OR4E2: variants seen among roughly 807,000 people sequenced by gnomAD.
OR4E2 encodes the protein olfactory receptor family 4 subfamily E member 2.
Under a neutral mutation model 11.0 loss-of-function variants are expected in OR4E2, and 9 were observed. The ratio of observed to expected loss-of-function variants is 0.82; its 90% CI spans 0.49 to 1.43. The LOEUF is 1.43. OR4E2 is among the 40% of genes most tolerant of loss of function. OR4E2 has a pLI of 0.00. For missense variants in OR4E2, 441 were observed against 382.0 expected, an observed-to-expected ratio of 1.15 and a Z score of -1.29; for synonymous variants, 159 against 147.3, an observed-to-expected ratio of 1.08 and a Z score of -0.57.
At chr14:21,658,978 A>T (rs185967572) in intron 2 of OR4E2, among the ~76,000 whole-genome samples, 2 of 152,250 alleles carry the variant, frequency 1.3e-5, no homozygotes, top group East Asian at 3.9e-4. Flanking sequence ...TTACCCCCAA[A>T]TTTTTGGATT....
At chr14:21,660,423 G>A (rs988970500) in intron 2 of OR4E2, among the ~76,000 whole-genome samples, 6 of 152,194 alleles carry the variant, frequency 3.9e-5, no homozygotes, top group Non-Finnish European at 7.3e-5. Flanking sequence ...TGGCCCCAGA[G>A]TGGGACTGTG....
intron 3 of OR4E2, among the ~76,000 whole-genome samples, chr14:21,663,583 G>C (rs1880457908): frequency 6.6e-6 from 1 of 152,134 alleles, no homozygotes; most frequent in Non-Finnish European, 1.5e-5. Context: ...AGAGGGAATA[G>C]ATAGGCTTTG....
intron 3 of OR4E2, among the ~76,000 whole-genome samples, chr14:21,664,532 A>G (rs1242565332): frequency 6.6e-6 from 1 of 152,204 alleles, no homozygotes; most frequent in African/African-American, 2.4e-5. Context: ...AGTAAAGACA[A>G]AGATTTTGGA....
rs954148007 is a variant in OR4E2 at position 21,665,430 on chromosome 14, C to A, written c.348C>A (p.Ile116=). ...CCTGTGCCGAGATCTTTCTGCTGAT[C>A]ATTATGGCGTATGATCGTTACGTGG... ...LFACAEIFLL[I]IMAYDRYVAI... The change falls in exon 4 of 4, where the codon ATC becomes ATA. Residue 116 remains isoleucine, a synonymous_variant. Coordinates refer to ENST00000641524, the MANE Select transcript of OR4E2 (RefSeq NM_001001912.3). 6.2e-7 allele frequency: 1 copy of A among 1,614,048 alleles called. No homozygotes were observed. The highest frequency in any genetic ancestry group is 8.5e-7 in the Non-Finnish European group (1 of 1,179,958).
In OR4E2 at chr14:21,665,826, C is replaced by T. The variant is rs778524391; in HGVS notation, c.744C>T (p.Ala248=). Residue 248 remains alanine (A), a synonymous_variant, in exon 4 of 4, where the codon GCC becomes GCT. Coordinates refer to ENST00000641524, the MANE Select transcript of OR4E2 (RefSeq NM_001001912.3). ...GCTCGGCCCACTTCATGGTGGTTGC[C>T]CTCTTCTTTGGGCCATGTATCTTCA... ...STCSAHFMVV[A]LFFGPCIFIY... The T allele has an allele frequency of 6.2e-7, 1 of 1,612,700 alleles. No individual in the cohort carries two copies. The highest frequency in any genetic ancestry group is 2.2e-5 in the East Asian group (1 of 44,868).
chr14:21,664,895 G>A (rs1351575860), intron 3 of OR4E2, among the ~76,000 whole-genome samples, 180 bp from the exon 4 acceptor site: 1 of 152,176 alleles, frequency 6.6e-6, no homozygotes, highest in African/African-American at 2.4e-5. Context: ...TTAAATAGAA[G>A]TGCCTGGCAT....
At chr14:21,662,033 C>T (rs547888288) in intron 3 of OR4E2, among the ~76,000 whole-genome samples, 19 of 152,046 alleles carry the variant, frequency 1.2e-4, no homozygotes, top group Non-Finnish European at 1.9e-4. Flanking sequence ...TTTGTTAATC[C>T]GATGAATGAC....
In OR4E2 at chr14:21,665,778, G is replaced by A. The variant is rs1880612909; in HGVS notation, c.696G>A (p.Gly232=). The A allele has an allele frequency of 6.2e-7, 1 of 1,613,988 alleles. No homozygotes were observed. Among genetic ancestry groups the A allele is most frequent in the Non-Finnish European group, 8.5e-7 (1 of 1,179,966 alleles). The change falls in exon 4 of 4, where the codon GGG becomes GGA. Residue 232 remains glycine (G), a synonymous_variant. Transcript: ENST00000641524. The stretch of plus-strand genomic sequence containing the variant: ...CTCTTCGAAAACACTCAGCTGAAGG[G>A]CGCCGGAAAGCCCTGTCTACCTGCT... The part of the protein sequence containing the change: ...LVSLRKHSAE[G]RRKALSTCSA...
Position 21,665,871 on chromosome 14 carries a change from C to G in OR4E2, c.789C>G (p.Thr263=), listed in dbSNP as rs1880620013. The change falls in exon 4 of 4, where the codon ACC becomes ACG. Residue 263 remains threonine (T), a synonymous_variant. Coordinates refer to ENST00000641524, the MANE Select transcript of OR4E2 (RefSeq NM_001001912.3). ...TCTTCATCTATACTCGGCCAGACACCAGCTTCTCCATTGACAAGGTGGTGT... is the reference window on the plus strand; with the variant it reads ...TCTTCATCTATACTCGGCCAGACACGAGCTTCTCCATTGACAAGGTGGTGT... ...PCIFIYTRPD[T]SFSIDKVVSV... 1 of 1,608,996 alleles carries G rather than the reference C, an allele frequency of 6.2e-7. No homozygotes were observed. Among genetic ancestry groups the G allele is most frequent in the East Asian group, 2.2e-5 (1 of 44,838 alleles).
At chr14:21,655,462 C>T (rs1269771309) in intron 1 of OR4E2, among the ~76,000 whole-genome samples, 1 of 152,010 alleles carries the variant, frequency 6.6e-6, no homozygotes, top group Non-Finnish European at 1.5e-5. Flanking sequence ...ACCAAGAACT[C>T]GAGACCAACC....
intron 1 of OR4E2, among the ~76,000 whole-genome samples, chr14:21,654,601 C>T (rs1173280145): frequency 3.3e-5 from 5 of 152,014 alleles, no homozygotes; most frequent in Admixed American, 6.6e-5. Flanking sequence ...ACTAAGTTGA[C>T]CCTCCATATA....
intron 2 of OR4E2, among the ~76,000 whole-genome samples, chr14:21,659,402 T>C (rs1412319438): frequency 6.6e-6 from 1 of 152,164 alleles, no homozygotes; most frequent in East Asian, 1.9e-4. Context: ...GCCAGTTACT[T>C]TGCTCTGTGG....
rs34479619 is a variant in OR4E2, at chr14:21,666,700, GTTTTTT to G, written c.*687_*692del. ...TTAAAAAGGTAGAAAATACCAAGTG[GTTTTTT>G]TTTTTTTTTTCCTAATTACTCTGTC... On this transcript the variant is annotated 3_prime_UTR_variant, in exon 4 of 4. Coordinates refer to ENST00000641524, the MANE Select transcript of OR4E2 (RefSeq NM_001001912.3). 7.1e-6 allele frequency: 1 copy of G among 140,636 alleles called. No homozygotes were observed. The highest frequency in any genetic ancestry group is 2.6e-5 in the African/African-American group (1 of 38,264). The allele number at this position is 140,636 out of a possible 1,614,324, so 8.7% of individuals were successfully genotyped here. A position where few individuals can be genotyped will look rare whatever the true frequency, so the allele number is the denominator to read the frequency against.
chr14:21,663,422 G>A (rs1880444912), intron 3 of OR4E2, among the ~76,000 whole-genome samples: 1 of 152,052 alleles, frequency 6.6e-6, no homozygotes, highest in Non-Finnish European at 1.5e-5. Context: ...GGAGCTTGCA[G>A]TGAGCCGAGA....
chr14:21,658,367 AT>A (rs1312673644), intron 2 of OR4E2, among the ~76,000 whole-genome samples: 1 of 152,202 alleles, frequency 6.6e-6, no homozygotes, highest in African/African-American at 2.4e-5. Context: ...TATCAGATCC[AT>A]CTAAGCAAGA....
At chr14:21,655,374 G>GT (rs1402526235) in intron 1 of OR4E2, among the ~76,000 whole-genome samples, 9 of 152,264 alleles carry the variant, frequency 5.9e-5, no homozygotes, top group Non-Finnish European at 1.2e-4. Context: ...AAAAATTTTT[G>GT]TATTTTCTTA....
At position 21,665,270 on chromosome 14, in the gene OR4E2, T is replaced by C; in HGVS notation, c.188T>C (p.Leu63Pro). 1.9e-6 allele frequency: 3 copies of C among 1,614,184 alleles called. No individual in the cohort carries two copies. The highest frequency in any genetic ancestry group is 2.5e-6 in the Non-Finnish European group (3 of 1,180,008). Reference sequence around the variant, plus strand: ...CTCCATACCCCCATGTATTTCTTCCTGAGCAATCTGTCCTTTATTGACATC... The same window carrying C: ...CTCCATACCCCCATGTATTTCTTCCCGAGCAATCTGTCCTTTATTGACATC... ...PSLHTPMYFF[L>P]SNLSFIDICH... The change falls in exon 4 of 4, where the codon CTG becomes CCG. Residue 63 changes from leucine (L) to proline (P), a missense_variant. Leu to Pro is a moderately conservative substitution (Grantham distance 98). Transcript: ENST00000641524.
rs751877751 is a variant in OR4E2 at position 21,665,257 on chromosome 14, A to G, written c.175A>G (p.Met59Val). The G allele has an allele frequency of 6.2e-7, 1 of 1,614,036 alleles. No homozygotes were observed. The highest frequency in any genetic ancestry group is 2.2e-5 in the East Asian group (1 of 44,872). ...TVFTPSLHTP[M>V]YFFLSNLSFI... ...CTTTACTCCAAGTCTCCATACCCCC[A>G]TGTATTTCTTCCTGAGCAATCTGTC... Residue 59 changes from methionine to valine, a missense_variant, in exon 4 of 4, where the codon ATG becomes GTG. Transcript: ENST00000641524.
At position 21,667,348 on chromosome 14, in the gene OR4E2, T is replaced by C. The variant is rs1008348614; in HGVS notation, c.*1324T>C. The C allele has an allele frequency of 2.6e-5, 4 of 152,084 alleles. No individual in the cohort carries two copies. The highest frequency in any genetic ancestry group is 1.3e-4 in the Admixed American group (2 of 15,260). 9.4% of individuals were successfully genotyped at this position (152,084 alleles called of 1,614,324 possible). Reference sequence around the variant, plus strand: ...CATAGCCATCCACACATTACAGACATACACAATACAGAGTGAGTGACCCAC... The same window carrying C: ...CATAGCCATCCACACATTACAGACACACACAATACAGAGTGAGTGACCCAC... On this transcript the variant is annotated 3_prime_UTR_variant, in exon 4 of 4. Coordinates refer to ENST00000641524, the MANE Select transcript of OR4E2 (RefSeq NM_001001912.3).
Sources: gnomAD v4.1 joint callset for allele counts (sites outside exome capture counted in the v4.1 genomes callset) on GRCh38, gnomAD v4.1.1 for gene constraint, MANE v1.5 for transcripts, NCBI Gene and HGNC (gene_info 2026-07-23, HGNC 2026-07-21) for gene names.